The following TXNRD2 variants were observed in gnomAD, a reference collection of about 807,000 sequenced individuals.
TXNRD2 encodes thioredoxin reductase 2, also known as thioredoxin reductase 2, mitochondrial.
A neutral mutation model predicts 70.8 loss-of-function variants in TXNRD2; 67 were observed. The ratio of observed to expected loss-of-function variants is 0.95; its 90% CI spans 0.78 to 1.16. The LOEUF is 1.16. Ranked by LOEUF, TXNRD2 falls within the 50% of genes most tolerant of loss-of-function variation. The probability of loss-of-function intolerance (pLI) is 0.00; values close to 1 mark genes in which losing one functional copy is unlikely to be tolerated. For missense variants in TXNRD2, 644 were observed against 719.9 expected (o/e 0.89, Z 1.21); for synonymous variants, 301 against 295.8 (o/e 1.02, Z -0.18).
chr22:19,890,911 C>A (rs566585406), intron 11 of TXNRD2, among the ~76,000 whole-genome samples: 13 of 152,258 alleles, frequency 8.5e-5, no homozygotes, highest in African/African-American at 3.1e-4. Context: ...CAACAGCTCC[C>A]CTCCTGGGCA....
At chr22:19,903,240 C>T (rs950989480) in intron 8 of TXNRD2, among the ~76,000 whole-genome samples, 2 of 152,254 alleles carry the variant, frequency 1.3e-5, no homozygotes, top group Non-Finnish European at 2.9e-5. Flanking sequence ...ACAGAGCTGG[C>T]AGCAGGAACA....
intron 1 of TXNRD2, among the ~76,000 whole-genome samples, chr22:19,934,601 C>T (rs1391118122): frequency 2.0e-5 from 3 of 147,760 alleles, no homozygotes; most frequent in Non-Finnish European, 3.0e-5. Flanking sequence ...CTCTCTCTGT[C>T]GCCCAGGCTG....
chr22:19,894,888 T>C, intron 11 of TXNRD2: 1 of 868,170 alleles, frequency 1.2e-6, no homozygotes. Context: ...CCCAGGAGGC[T>C]GAGGCAGGAG....
Position 19,928,209 on chromosome 22 carries a change from G to C in TXNRD2, c.172+2821C>G, listed in dbSNP as rs557017239. On this transcript the variant is annotated intron_variant, in intron 2 of 17. Coordinates refer to ENST00000400521, the MANE Select transcript of TXNRD2 (RefSeq NM_006440.5). ...AAGAGATATACCACACGATCCAGTT[G>C]GTCCATTTTTAGGCACTTACCCAAA... 2.0e-5 allele frequency among the ~76,000 whole-genome samples: 3 copies of C among 152,074 alleles called. No individual in the cohort carries two copies. In the South Asian group the frequency reaches 6.2e-4, roughly 32 times the overall value.
rs1181417535 is a variant in TXNRD2, at chr22:19,929,787, C to T, written c.172+1243G>A. Among the ~76,000 whole-genome samples, 10 of 150,592 alleles carry T rather than the reference C, an allele frequency of 6.6e-5. No individual in the cohort carries two copies. In the Admixed American group the frequency reaches 6.7e-4, roughly 10 times the overall value. ...AGGACACACTCGCCAATCTTGACTG[C>T]GGTACTGGCTGCATGGACACATGCA... On this transcript the variant is annotated intron_variant, in intron 2 of 17. Transcript: ENST00000400521.
chr22:19,896,660 C>T (rs1352062934), intron 10 of TXNRD2, among the ~76,000 whole-genome samples: 1 of 152,220 alleles, frequency 6.6e-6, no homozygotes, highest in Non-Finnish European at 1.5e-5. Context: ...AGATGGGGGC[C>T]CTGTTCCCAG....
At chr22:19,933,640 A>C (rs1360554921) in intron 1 of TXNRD2, 1 of 504,426 alleles carries the variant, frequency 2.0e-6, no homozygotes, top group East Asian at 7.8e-5. Context: ...GGCATAGGGC[A>C]GTCGTTTGCA....
Position 19,930,935 on chromosome 22 carries a change from C to A in TXNRD2, c.172+95G>T. Reference sequence around the variant, plus strand: ...TGGGGTGACCCCAGCAGGGAGGCAACGCATTTTGCTCATGGACGTTTTCTG... The same window carrying A: ...TGGGGTGACCCCAGCAGGGAGGCAAAGCATTTTGCTCATGGACGTTTTCTG... On this transcript the variant is annotated intron_variant, in intron 2 of 17. Transcript: ENST00000400521. The A allele has an allele frequency of 1.8e-6, 2 of 1,122,536 alleles. 1 individual carries two copies. The allele number at this position is 1,122,536 out of a possible 1,614,324, so 69.5% of individuals were successfully genotyped here.
At chr22:19,886,532 C>T (rs1939041288) in intron 11 of TXNRD2, among the ~76,000 whole-genome samples, 1 of 152,246 alleles carries the variant, frequency 6.6e-6, no homozygotes, top group African/African-American at 2.4e-5. Context: ...GCCCAGTCAG[C>T]TCCCCACCAT....
intron 2 of TXNRD2, among the ~76,000 whole-genome samples, chr22:19,928,941 G>A (rs923657482): frequency 3.3e-5 from 5 of 151,402 alleles, no homozygotes; most frequent in Non-Finnish European, 5.9e-5. Context: ...AGAAGGCACA[G>A]GTTGCAGTGA....
In TXNRD2 at chr22:19,915,808, A is replaced by G. The variant is rs1940612836; in HGVS notation, c.485T>C (p.Val162Ala). ...AACGCCGCAAACCGTGTGCTCGTCA[A>G]CAAAGCTGGCTTTGATGTTAAAGTA... ...VKYFNIKASF[V>A]DEHTVCGVAK... The change falls in exon 6 of 18, where the codon GTT becomes GCT. Residue 162 changes from valine to alanine, a missense_variant. By Grantham distance (64) the Val-to-Ala change is moderately conservative. Around this residue, in one of 3 missense-constraint regions of TXNRD2, gnomAD observed 566 missense variants for 645.0 expected, o/e 0.88. Transcript: ENST00000400521. The G allele has an allele frequency of 6.2e-7, 1 of 1,614,202 alleles. No homozygotes were observed. Among genetic ancestry groups the G allele is most frequent in the Non-Finnish European group, 8.5e-7 (1 of 1,180,030 alleles).
rs761105467 is a variant in TXNRD2, at chr22:19,919,015, G to A, written c.230-11C>T. ...GGCCCCACCGGGTGCCTGGGACGTG[G>A]GAAGAGCACATTTGAATTTATGTTC... On this transcript the variant is annotated splice_polypyrimidine_tract_variant and intron_variant, in intron 3 of 17. Coordinates refer to ENST00000400521, the MANE Select transcript of TXNRD2 (RefSeq NM_006440.5). 5 of 1,606,344 alleles carry A rather than the reference G, an allele frequency of 3.1e-6. No individual in the cohort carries two copies. The highest frequency in any genetic ancestry group is 4.2e-6 in the Non-Finnish European group (5 of 1,179,420).
At position 19,921,543 on chromosome 22, in the gene TXNRD2, C is replaced by T. The variant is rs1158088514; in HGVS notation, c.173-1944G>A. 2.6e-5 allele frequency among the ~76,000 whole-genome samples: 4 copies of T among 151,964 alleles called. 1 individual carries two copies. The highest frequency in any genetic ancestry group is 5.9e-5 in the Non-Finnish European group (4 of 68,016). The stretch of plus-strand genomic sequence containing the variant: ...AACCCAGGTAAAATGCATGAAACAA[C>T]GGGCTTTCAGGTACTCCATGTCAGG... On this transcript the variant is annotated intron_variant, in intron 2 of 17. Transcript: ENST00000400521.
chr22:19,883,255 C>T (rs1357218041), intron 12 of TXNRD2, 70 bp downstream of exon 12: 20 of 1,579,694 alleles, frequency 1.3e-5, no homozygotes, highest in South Asian at 6.8e-5. Flanking sequence ...CGGCAGCAGC[C>T]GGAGCCCAGC....
intron 7 of TXNRD2, among the ~76,000 whole-genome samples, chr22:19,913,617 CA>C (rs1472125571): frequency 6.6e-5 from 10 of 152,226 alleles, no homozygotes; most frequent in Non-Finnish European, 1.3e-4. Context: ...AAGGAAAAGC[CA>C]AAGTATGAGA....
At chr22:19,881,054 G>A (rs922195158) in intron 12 of TXNRD2, 13 of 476,178 alleles carry the variant, frequency 2.7e-5, no homozygotes, top group Non-Finnish European at 4.1e-5. Context: ...GCTGCCCCAT[G>A]ACCAAGCTCA....
chr22:19,914,678 GTTT>G (rs1329435862), intron 7 of TXNRD2, among the ~76,000 whole-genome samples: 1 of 152,200 alleles, frequency 6.6e-6, no homozygotes, highest in Non-Finnish European at 1.5e-5. Flanking sequence ...AATGGGAATA[GTTT>G]CAGTTCAGGG....
At chr22:19,878,270 A>G in intron 15 of TXNRD2, 83 bp from the exon 16 acceptor site, 1 of 1,587,316 alleles carries the variant, frequency 6.3e-7, no homozygotes, top group Non-Finnish European at 8.6e-7. Flanking sequence ...CCTGCCTGGG[A>G]GGCATGGGTG....
chr22:19,920,418 A>C (rs1202432868), intron 2 of TXNRD2, among the ~76,000 whole-genome samples: 1 of 152,094 alleles, frequency 6.6e-6, no homozygotes, highest in Non-Finnish European at 1.5e-5. Context: ...CTCCACTAAA[A>C]ATAAAAATTA....
Sources: gnomAD v4.1 joint callset for allele counts (sites outside exome capture counted in the v4.1 genomes callset) on GRCh38, gnomAD v4.1.1 for gene constraint, gnomAD v4.1.1 regional missense constraint, MANE v1.5 for transcripts, NCBI Gene and HGNC (gene_info 2026-07-23, HGNC 2026-07-21) for gene names.